NALF1: variants seen among roughly 807,000 people sequenced by gnomAD.
NALF1 encodes family with sequence similarity 155 member A.
NALF1 carries 3 observed loss-of-function variants against 48.4 expected under a neutral mutation model. The ratio of observed to expected loss-of-function variants is 0.06; its 90% CI spans 0.03 to 0.16. The LOEUF is 0.16. Among genes scored for constraint, NALF1 ranks in the 10% least tolerant of loss-of-function variants. The pLI, the probability that NALF1 is intolerant of heterozygous loss-of-function variation, is 1.00. For missense variants in NALF1, 526 were observed against 571.5 expected, an observed-to-expected ratio of 0.92 and a Z score of 0.81; for synonymous variants, 262 against 245.7, an observed-to-expected ratio of 1.07 and a Z score of -0.62.
chr13:107,736,787 A>T (rs1876479722), intron 1 of NALF1, among the ~76,000 whole-genome samples: 1 of 152,230 alleles, frequency 6.6e-6, no homozygotes, highest in Non-Finnish European at 1.5e-5. Context: ...AGAGGCACTG[A>T]TAGATGAGAA....
chr13:107,524,395 A>T (rs1460849789), intron 1 of NALF1, among the ~76,000 whole-genome samples: 1 of 152,044 alleles, frequency 6.6e-6, no homozygotes, highest in African/African-American at 2.4e-5. Flanking sequence ...AAATTAATGT[A>T]ATTTTTCAAA....
At chr13:107,381,349 C>G (rs1176907958) in intron 1 of NALF1, among the ~76,000 whole-genome samples, 3 of 151,686 alleles carry the variant, frequency 2.0e-5, no homozygotes, top group African/African-American at 7.3e-5. Context: ...CACTGGCATG[C>G]ACCACTACAC....
rs1878630545 is a variant in NALF1 at position 107,165,025 on chromosome 13, A to G, written c.*5472T>C. The G allele has an allele frequency of 6.6e-6, 1 of 152,102 alleles. No homozygotes were observed. Among genetic ancestry groups the G allele is most frequent in the African/African-American group, 2.4e-5 (1 of 41,450 alleles). 9.4% of individuals were successfully genotyped at this position (152,102 alleles called of 1,614,324 possible). On this transcript the variant is annotated 3_prime_UTR_variant, in exon 3 of 3. Coordinates refer to ENST00000375915, the MANE Select transcript of NALF1 (RefSeq NM_001080396.3). Reference sequence around the variant, plus strand: ...TTCTTGCATGAGGTGTCACGTACAAATACATCATTGACCTCCCTGTGTCAC... The same window carrying G: ...TTCTTGCATGAGGTGTCACGTACAAGTACATCATTGACCTCCCTGTGTCAC...
chr13:107,787,714 A>G (rs1423017581), intron 1 of NALF1, among the ~76,000 whole-genome samples: 1 of 152,232 alleles, frequency 6.6e-6, no homozygotes, highest in African/African-American at 2.4e-5. Flanking sequence ...AATTACTACC[A>G]GTATAAAACC....
At chr13:107,823,632 T>C (rs1238058959) in intron 1 of NALF1, among the ~76,000 whole-genome samples, 3 of 151,996 alleles carry the variant, frequency 2.0e-5, no homozygotes, top group Admixed American at 6.6e-5. Flanking sequence ...CTCCAACTTA[T>C]GCCCTACAAA....
At chr13:107,379,994 T>G (rs1451497688) in intron 1 of NALF1, among the ~76,000 whole-genome samples, 2 of 152,216 alleles carry the variant, frequency 1.3e-5, no homozygotes, top group African/African-American at 4.8e-5. Context: ...AACTGGTAAT[T>G]TATTAACTGT....
At chr13:107,759,801 T>A (rs1366901906) in intron 1 of NALF1, among the ~76,000 whole-genome samples, 4 of 152,052 alleles carry the variant, frequency 2.6e-5, no homozygotes, top group South Asian at 2.1e-4. Flanking sequence ...TTAATTGAAA[T>A]TGCTGATCTC....
intron 1 of NALF1, among the ~76,000 whole-genome samples, chr13:107,240,363 G>A (rs1043995133): frequency 1.1e-4 from 17 of 152,136 alleles, no homozygotes; most frequent in Non-Finnish European, 7.4e-5. Flanking sequence ...GTTTCTGGTA[G>A]ATTTTTATAG....
chr13:107,390,530 A>T (rs1458496780), intron 1 of NALF1, among the ~76,000 whole-genome samples: 1 of 152,128 alleles, frequency 6.6e-6, no homozygotes, highest in Non-Finnish European at 1.5e-5. Context: ...ATAAGCAATG[A>T]TATGTATAAA....
intron 1 of NALF1, among the ~76,000 whole-genome samples, chr13:107,511,348 A>C (rs1875885451): frequency 6.6e-6 from 1 of 152,346 alleles, no homozygotes; most frequent in Admixed American, 6.5e-5. Context: ...CTCAAATATT[A>C]GATTTATAGG....
intron 1 of NALF1, among the ~76,000 whole-genome samples, chr13:107,679,524 G>A (rs925484742): frequency 2.0e-5 from 3 of 152,208 alleles, no homozygotes; most frequent in African/African-American, 4.8e-5. Flanking sequence ...TCATGATAAA[G>A]ATTATAAAAT....
chr13:107,197,929 C>T (rs549806351), intron 2 of NALF1, among the ~76,000 whole-genome samples: 2 of 152,276 alleles, frequency 1.3e-5, no homozygotes, highest in East Asian at 1.9e-4. Context: ...AATTTGAAAG[C>T]TGTCCAGAAA....
chr13:107,309,949 G>T (rs192341897), intron 1 of NALF1, among the ~76,000 whole-genome samples: 1 of 152,188 alleles, frequency 6.6e-6, no homozygotes, highest in East Asian at 1.9e-4. Context: ...GCTATTTTAT[G>T]TCTTCATTTT....
chr13:107,387,400 C>G (rs979029193), intron 1 of NALF1, among the ~76,000 whole-genome samples: 2 of 152,212 alleles, frequency 1.3e-5, no homozygotes, highest in East Asian at 1.9e-4. Context: ...GCCGAAGCCT[C>G]CCAAATAAGA....
rs1052566746 is a variant in NALF1 at position 107,835,100 on chromosome 13, T to C, written c.915+30582A>G. 1.8e-4 allele frequency among the ~76,000 whole-genome samples: 27 copies of C among 152,314 alleles called. 1 individual carries two copies. Among genetic ancestry groups the C allele is most frequent in the South Asian group, 4.1e-4 (2 of 4,828 alleles). ...ACGTATTGTCCATGATGTTCTAATA[T>C]AGGGTTAGTTATATTTTTCTTTTGA... On this transcript the variant is annotated intron_variant, in intron 1 of 2. Coordinates refer to ENST00000375915, the MANE Select transcript of NALF1 (RefSeq NM_001080396.3).
At chr13:107,409,398 T>C (rs1036320499) in intron 1 of NALF1, among the ~76,000 whole-genome samples, 14 of 151,808 alleles carry the variant, frequency 9.2e-5, no homozygotes, top group African/African-American at 3.1e-4. Context: ...GAAGGAAAGG[T>C]AGAGGGAAAT....
chr13:107,305,199 A>G (rs2138897158), intron 1 of NALF1, among the ~76,000 whole-genome samples: 1 of 152,272 alleles, frequency 6.6e-6, no homozygotes, highest in Middle Eastern at 3.4e-3. Context: ...TGTGTCCAAC[A>G]CTTTGCTTTA....
At chr13:107,840,231 G>C (rs1398163135) in intron 1 of NALF1, among the ~76,000 whole-genome samples, 1 of 152,202 alleles carries the variant, frequency 6.6e-6, no homozygotes, top group African/African-American at 2.4e-5. Context: ...CTTTGGGACT[G>C]GAAACTGCAG....
At chr13:107,762,976 C>T (rs1437507902) in intron 1 of NALF1, among the ~76,000 whole-genome samples, 1 of 151,786 alleles carries the variant, frequency 6.6e-6, no homozygotes, top group Non-Finnish European at 1.5e-5. Flanking sequence ...ACAGAATTTC[C>T]ACCCTCTGGA....
Sources: allele counts gnomAD v4.1 joint callset (sites outside exome capture counted in the v4.1 genomes callset), GRCh38; gene constraint gnomAD v4.1.1; transcripts MANE v1.5; gene names NCBI Gene and HGNC (gene_info 2026-07-23, HGNC 2026-07-21).